PDE1C: variants seen among roughly 807,000 people sequenced by gnomAD.
PDE1C encodes phosphodiesterase 1C, also known as dual specificity calcium/calmodulin-dependent 3',5'-cyclic nucleotide phosphodiesterase 1C.
Under a neutral mutation model 93.1 loss-of-function variants are expected in PDE1C, and 62 were observed. The ratio of observed to expected loss-of-function variants is 0.67; its 90% CI spans 0.54 to 0.82. The LOEUF (loss-of-function observed/expected upper bound fraction) is 0.82, where lower values mean the gene tolerates loss of function less well. Among genes scored for constraint, PDE1C ranks in the 40% least tolerant of loss-of-function variants. The pLI is 0.00. For missense variants in PDE1C, 742 were observed against 884.6 expected, an observed-to-expected ratio of 0.84 and a Z score of 2.04; for synonymous variants, 325 against 310.1, an observed-to-expected ratio of 1.05 and a Z score of -0.50.
chr7:32,392,729 C>A (rs1183506061), intron 1 of PDE1C, among the ~76,000 whole-genome samples: 1 of 152,054 alleles, frequency 6.6e-6, no homozygotes, highest in East Asian at 1.9e-4. Flanking sequence ...AGCATTTGAC[C>A]AAATCTAATA....
intron 2 of PDE1C, among the ~76,000 whole-genome samples, chr7:31,905,294 C>A (rs1028120268): frequency 3.9e-5 from 6 of 152,014 alleles, no homozygotes; most frequent in African/African-American, 1.4e-4. Flanking sequence ...TATCATCACT[C>A]TAATATATAA....
chr7:32,162,013 C>A (rs1294530026), intron 3 of PDE1C, among the ~76,000 whole-genome samples: 2 of 152,114 alleles, frequency 1.3e-5, no homozygotes, highest in African/African-American at 2.4e-5. Flanking sequence ...TAGAGACAAG[C>A]CCACTGGCTA....
chr7:32,309,279 T>C (rs556892667), intron 1 of PDE1C, among the ~76,000 whole-genome samples: 29 of 152,312 alleles, frequency 1.9e-4, no homozygotes, highest in African/African-American at 7.0e-4. Flanking sequence ...CTGATTGGTG[T>C]ACCTGAAAGT....
At chr7:32,136,346 A>AT (rs1800209008) in intron 3 of PDE1C, among the ~76,000 whole-genome samples, 1 of 148,414 alleles carries the variant, frequency 6.7e-6, no homozygotes. Flanking sequence ...TTATTTATTT[A>AT]TTTATTTATT....
chr7:32,183,772 A>C (rs1803620573), intron 2 of PDE1C, among the ~76,000 whole-genome samples: 1 of 152,214 alleles, frequency 6.6e-6, no homozygotes, highest in South Asian at 2.1e-4. Flanking sequence ...CACCAAAAGC[A>C]AGGGCAACAA....
At chr7:32,182,340 CAACA>C (rs964007211) in intron 2 of PDE1C, among the ~76,000 whole-genome samples, 15 of 152,140 alleles carry the variant, frequency 9.9e-5, no homozygotes, top group African/African-American at 3.6e-4. Context: ...GGCAGAGACA[CAACA>C]AACAAAGAGA....
chr7:32,393,837 A>G, intron 1 of PDE1C, among the ~76,000 whole-genome samples: 1 of 152,194 alleles, frequency 6.6e-6, no homozygotes, highest in South Asian at 2.1e-4. Context: ...TTCCAACACT[A>G]AAGTCACATA....
chr7:32,097,970 C>CCTA (rs1326161558), intron 3 of PDE1C, among the ~76,000 whole-genome samples: 3 of 149,760 alleles, frequency 2.0e-5, no homozygotes, highest in Non-Finnish European at 4.4e-5. Context: ...GTGGCTCACG[C>CCTA]CTGTAATCCC....
At chr7:32,152,388 G>C (rs966937077) in intron 3 of PDE1C, among the ~76,000 whole-genome samples, 4 of 152,196 alleles carry the variant, frequency 2.6e-5, no homozygotes, top group African/African-American at 7.2e-5. Flanking sequence ...GTGTGTCAGC[G>C]AAAGGCACCA....
chr7:32,217,895 A>G (rs1304374306), intron 1 of PDE1C, among the ~76,000 whole-genome samples: 1 of 152,254 alleles, frequency 6.6e-6, no homozygotes. Context: ...AACCAGACTT[A>G]GCCATGCCTT....
chr7:31,754,113 G>A (rs181670391), intron 17 of PDE1C, among the ~76,000 whole-genome samples: 13 of 152,212 alleles, frequency 8.5e-5, no homozygotes, highest in African/African-American at 2.6e-4. Context: ...TTCACACCAA[G>A]GAAGATGTAT....
At chr7:32,205,576 C>G (rs111813365) in intron 2 of PDE1C, among the ~76,000 whole-genome samples, 12 of 147,928 alleles carry the variant, frequency 8.1e-5, no homozygotes, top group South Asian at 2.2e-4. Flanking sequence ...GTGGGTGGAG[C>G]CAAAAAAGAG....
chr7:32,231,977 A>C (rs1807728220), intron 1 of PDE1C, among the ~76,000 whole-genome samples: 1 of 121,808 alleles, frequency 8.2e-6, no homozygotes, highest in Non-Finnish European at 1.8e-5. Context: ...ACACACACAC[A>C]CACACACACA....
intron 1 of PDE1C, among the ~76,000 whole-genome samples, chr7:32,354,678 T>C (rs527690215): frequency 2.6e-5 from 4 of 152,304 alleles, no homozygotes; most frequent in African/African-American, 9.6e-5. Flanking sequence ...TGTCCCAGAG[T>C]TCTGCCTAGG....
intron 1 of PDE1C, among the ~76,000 whole-genome samples, chr7:32,371,621 G>A (rs1218348556): frequency 6.6e-6 from 1 of 151,938 alleles, no homozygotes; most frequent in African/African-American, 2.4e-5. Context: ...CAAATACTTA[G>A]GACCAAAGCA....
rs191334223 is a variant in PDE1C at position 31,855,943 on chromosome 7, A to G, written c.751-5202T>C. Among the ~76,000 whole-genome samples the G allele has an allele frequency of 3.9e-5, 6 of 152,170 alleles. No individual in the cohort carries two copies. In the East Asian group the frequency reaches 1.2e-3, roughly 29 times the overall value. On this transcript the variant is annotated intron_variant, in intron 7 of 17. Transcript: ENST00000396191. ...TTAGAATCTAATGAACATCTATTCA[A>G]TCAATAGATAGCTCTTCAATTTATT...
chr7:31,779,898 C>T (rs1783275992), intron 16 of PDE1C, among the ~76,000 whole-genome samples: 1 of 152,204 alleles, frequency 6.6e-6, no homozygotes, highest in African/African-American at 2.4e-5. Context: ...CCGTTGCTCC[C>T]TCTCATGTCC....
chr7:31,651,447 T>A, the PDE1C span, among the ~76,000 whole-genome samples: 1 of 152,190 alleles, frequency 6.6e-6, no homozygotes, highest in Non-Finnish European at 1.5e-5. Flanking sequence ...GAGAGCCATT[T>A]GCTAGATAGC....
chr7:32,167,797 A>C (rs956502840), intron 3 of PDE1C, among the ~76,000 whole-genome samples: 2 of 152,192 alleles, frequency 1.3e-5, no homozygotes, highest in Non-Finnish European at 2.9e-5. Context: ...GAAGTAATCA[A>C]AGCTATCATT....
Sources: gnomAD v4.1 joint callset for allele counts (sites outside exome capture counted in the v4.1 genomes callset) on GRCh38, gnomAD v4.1.1 for gene constraint, MANE v1.5 for transcripts, NCBI Gene and HGNC (gene_info 2026-07-23, HGNC 2026-07-21) for gene names.